PIAS1: variants seen among roughly 807,000 people sequenced by gnomAD.
PIAS1 encodes the protein protein inhibitor of activated STAT 1.
In PIAS1, 6 loss-of-function variants were observed where a neutral mutation model predicts 71.3. The observed-to-expected ratio is 0.08, with a 90% CI of 0.05 to 0.17. The LOEUF (loss-of-function observed/expected upper bound fraction) is 0.17. PIAS1 is among the 10% of genes least tolerant of loss of function. The pLI is 1.00. For synonymous variants in PIAS1, 303 were observed against 292.9 expected, an observed-to-expected ratio of 1.03 and a Z score of -0.35; for missense variants, 555 against 793.6, an observed-to-expected ratio of 0.70 and a Z score of 3.61.
At chr15:68,073,761 G>A (rs758762245) in intron 1 of PIAS1, among the ~76,000 whole-genome samples, 1 of 152,220 alleles carries the variant, frequency 6.6e-6, no homozygotes, top group Non-Finnish European at 1.5e-5. Flanking sequence ...TCTGAGTGCA[G>A]TAGGTGATCA....
At chr15:68,105,734 G>A (rs2092462774) in intron 2 of PIAS1, among the ~76,000 whole-genome samples, 1 of 152,172 alleles carries the variant, frequency 6.6e-6, no homozygotes, top group Admixed American at 6.5e-5. Context: ...CTACTTGGGA[G>A]GCTGAGCATG....
rs1285266738 is a variant in PIAS1 at position 68,093,652 on chromosome 15, AT to A, written c.469+6905del. On this transcript the variant is annotated intron_variant, in intron 2 of 13. Coordinates refer to ENST00000249636, the MANE Select transcript of PIAS1 (RefSeq NM_016166.3). The stretch of plus-strand genomic sequence containing the variant: ...TTGTGGTTGAGTTTTAAAAGAAATC[AT>A]TTAGCTCCCTTTACCCCTTTGAGAG... Among the ~76,000 whole-genome samples the A allele has an allele frequency of 2.6e-5, 4 of 152,238 alleles. No homozygotes were observed. In the East Asian group the frequency reaches 7.7e-4, roughly 29 times the overall value.
rs1035825392 is a variant in PIAS1 at position 68,166,986 on chromosome 15, C to T, written c.1008+2182C>T. 5.3e-5 allele frequency among the ~76,000 whole-genome samples: 8 copies of T among 152,072 alleles called. No individual in the cohort carries two copies. In the East Asian group the frequency reaches 7.7e-4, roughly 15 times the overall value. ...GACTACCGGCATGTGCCACCACACC[C>T]GGCTGATTTTTGCATTTTTTTGTAG... On this transcript the variant is annotated intron_variant, in intron 8 of 13. Transcript: ENST00000249636.
At chr15:68,132,046 A>AAAAAAAG in intron 2 of PIAS1, among the ~76,000 whole-genome samples, 1 of 151,034 alleles carries the variant, frequency 6.6e-6, no homozygotes, top group East Asian at 1.9e-4. Flanking sequence ...AAAAAAAAAA[A>AAAAAAAG]AAAAGAAAAG....
chr15:68,106,248 T>C (rs1402787958), intron 2 of PIAS1, among the ~76,000 whole-genome samples: 1 of 150,308 alleles, frequency 6.7e-6, no homozygotes, highest in Admixed American at 6.7e-5. Flanking sequence ...AATGAGAATA[T>C]GTATATTGGA....
At chr15:68,111,247 A>G (rs2092520645) in intron 2 of PIAS1, among the ~76,000 whole-genome samples, 2 of 152,170 alleles carry the variant, frequency 1.3e-5, no homozygotes, top group Admixed American at 6.5e-5. Context: ...CATCTGCTCA[A>G]TCCTACTTCT....
chr15:68,076,256 A>G (rs2092162804), intron 1 of PIAS1, among the ~76,000 whole-genome samples: 1 of 152,106 alleles, frequency 6.6e-6, no homozygotes, highest in Non-Finnish European at 1.5e-5. Flanking sequence ...CACGAATGTA[A>G]TCCTATCACT....
chr15:68,083,281 C>T (rs1220926166), intron 1 of PIAS1, among the ~76,000 whole-genome samples: 1 of 152,146 alleles, frequency 6.6e-6, no homozygotes, highest in Non-Finnish European at 1.5e-5. Context: ...CTGCTTTATG[C>T]TTCTTTGCAG....
At chr15:68,055,706 A>G (rs1216784774) in intron 1 of PIAS1, 2 of 470,066 alleles carry the variant, frequency 4.3e-6, no homozygotes, top group Admixed American at 7.1e-5. Flanking sequence ...AGATGGGGAT[A>G]TACAATTGTA....
rs555346068 is a variant in PIAS1 at position 68,154,960 on chromosome 15, G to A, written c.934+1265G>A. Among the ~76,000 whole-genome samples, 22 of 152,254 alleles carry A rather than the reference G, an allele frequency of 1.4e-4. No individual in the cohort carries two copies. In the South Asian group the frequency reaches 3.9e-3, roughly 27 times the overall value. On this transcript the variant is annotated intron_variant, in intron 7 of 13. Transcript: ENST00000249636. ...CCTGGTCATTCTACTGAGAATCTTC[G>A]TATTTGCCTCACAATACTAGAATCT...
chr15:68,076,028 C>G (rs76659348), intron 1 of PIAS1, among the ~76,000 whole-genome samples: 4,110 of 152,160 alleles, frequency 0.027, 179 homozygotes, highest in African/African-American at 0.093. Flanking sequence ...GGTGATCTGC[C>G]CGCTGCCGCC....
intron 1 of PIAS1, among the ~76,000 whole-genome samples, chr15:68,083,601 C>T (rs1475405046): frequency 6.6e-6 from 1 of 152,040 alleles, no homozygotes; most frequent in Non-Finnish European, 1.5e-5. Context: ...TGGTTCGTTT[C>T]CTCTTAATGT....
At position 68,054,438 on chromosome 15, in the gene PIAS1, C is replaced by A. The variant is rs2091871938; in HGVS notation, c.24+88C>A. 4.3e-6 allele frequency: 6 copies of A among 1,382,650 alleles called. No individual in the cohort carries two copies. The highest frequency in any genetic ancestry group is 4.0e-6 in the Non-Finnish European group (4 of 998,812). The allele number at this position is 1,382,650 out of a possible 1,614,324, so 85.6% of individuals were successfully genotyped here. On this transcript the variant is annotated intron_variant, in intron 1 of 13. Coordinates refer to ENST00000249636, the MANE Select transcript of PIAS1 (RefSeq NM_016166.3). This position sits in a 1 kb window ranked among gnomAD's most constrained non-coding sequence, Gnocchi z 4.6. ...GGGGGATGGGTCCGACCCTGGGGGG[C>A]CTCTCGGGCCTGACTCCACCCGGGC... is the stretch of plus-strand genomic sequence containing the variant.
At chr15:68,182,327 A>G (rs1306618885) in intron 12 of PIAS1, among the ~76,000 whole-genome samples, 3 of 151,748 alleles carry the variant, frequency 2.0e-5, no homozygotes, top group African/African-American at 7.3e-5. Context: ...TTTATTAAAA[A>G]AGCCATATAT....
chr15:68,086,523 A>G lies in PIAS1; in HGVS notation c.242A>G (p.His81Arg), dbSNP rs1283872273. 6.2e-7 allele frequency: 1 copy of G among 1,613,836 alleles called. No individual in the cohort carries two copies. The highest frequency in any genetic ancestry group is 8.5e-7 in the Non-Finnish European group (1 of 1,179,786). Residue 81 changes from histidine to arginine, a missense_variant, in exon 2 of 14, where the codon CAT (histidine) becomes CGT (arginine). Coordinates refer to ENST00000249636, the MANE Select transcript of PIAS1 (RefSeq NM_016166.3). The surrounding 1 kb of genome is among the most constrained non-coding windows in gnomAD (Gnocchi z 7.2). ...TPADLSIPNV[H>R]SSPMPATLSP... ...GCAGACTTGTCCATCCCCAACGTAC[A>G]TTCAAGTCCTATGCCAGCAACTTTG...
At position 68,102,106 on chromosome 15, in the gene PIAS1, T is replaced by G. The variant is rs72759527; in HGVS notation, c.469+15356T>G. Among the ~76,000 whole-genome samples the G allele has an allele frequency of 5.7e-3, 871 of 152,316 alleles. 4 individuals carry two copies. Among genetic ancestry groups the G allele is most frequent in the Non-Finnish European group, 9.5e-3 (645 of 68,022 alleles). On this transcript the variant is annotated intron_variant, in intron 2 of 13. Coordinates refer to ENST00000249636, the MANE Select transcript of PIAS1 (RefSeq NM_016166.3). Reference sequence around the variant, plus strand: ...TTCCTCGAAAGTTTTTATTTTTACATTTTACATTTAAATCTGTGATCCATT... The same window carrying G: ...TTCCTCGAAAGTTTTTATTTTTACAGTTTACATTTAAATCTGTGATCCATT...
At chr15:68,162,365 C>T (rs1157201303) in intron 7 of PIAS1, among the ~76,000 whole-genome samples, 2 of 152,060 alleles carry the variant, frequency 1.3e-5, no homozygotes, top group Admixed American at 6.5e-5. Flanking sequence ...ATGCCCATTG[C>T]TTGCTATGTC....
chr15:68,065,177 C>T (rs1315508166), intron 1 of PIAS1, among the ~76,000 whole-genome samples: 7 of 152,038 alleles, frequency 4.6e-5, no homozygotes, highest in Non-Finnish European at 1.0e-4. Context: ...GTCCCAAGAG[C>T]AAAAACTTTG....
chr15:68,057,554 C>T, intron 1 of PIAS1: 2 of 420,754 alleles, frequency 4.8e-6, no homozygotes, highest in Non-Finnish European at 9.3e-6. Context: ...GAAGAGAAAC[C>T]ATAATTATAA....
Sources: allele counts gnomAD v4.1 joint callset (sites outside exome capture counted in the v4.1 genomes callset), GRCh38; gene constraint gnomAD v4.1.1; non-coding constraint Gnocchi (gnomAD v3.1); transcripts MANE v1.5; gene names NCBI Gene and HGNC (gene_info 2026-07-23, HGNC 2026-07-21).